Variants in CUL5 observed in about 807,000 individuals in gnomAD.
The protein encoded by CUL5 is cullin-5.
CUL5 carries 26 observed loss-of-function variants against 108.8 expected under a neutral mutation model. That is an observed-to-expected ratio of 0.24 (90% confidence interval 0.18 to 0.33). The LOEUF (loss-of-function observed/expected upper bound fraction) is 0.33, where lower values mean the gene tolerates loss of function less well. Ranked by LOEUF, CUL5 falls within the 10% of genes least tolerant of loss-of-function variation. The pLI is 1.00. For missense variants in CUL5, 524 were observed against 909.2 expected, an observed-to-expected ratio of 0.58 and a Z score of 5.45; for synonymous variants, 334 against 298.0, an observed-to-expected ratio of 1.12 and a Z score of -1.25.
Position 108,094,767 on chromosome 11 carries a change from A to G in CUL5, c.1568-45A>G, listed in dbSNP as rs752272713. On this transcript the variant is annotated intron_variant, in intron 14 of 18. Coordinates refer to ENST00000393094, the MANE Select transcript of CUL5 (RefSeq NM_003478.6). ...TTACCCTGTATTTATTTTGAATTTT[A>G]TCCATTGTTAATTTACTTTATATTC... 3 of 1,392,302 alleles carry G rather than the reference A, an allele frequency of 2.2e-6. No homozygotes were observed. In the South Asian group the frequency reaches 4.2e-5, roughly 19 times the overall value. The allele number at this position is 1,392,302 out of a possible 1,614,324, so 86.2% of individuals were successfully genotyped here. A position where few individuals can be genotyped will look rare whatever the true frequency, so the allele number is the denominator to read the frequency against.
In CUL5 at chr11:108,027,911, A is replaced by G. The variant is rs185533027; in HGVS notation, c.25-5891A>G. Reference sequence around the variant, plus strand: ...TTATTTACTTTTTGTCCAGAATACCATACTCTTGGTTTTCTTGCCACCTGT... The same window carrying G: ...TTATTTACTTTTTGTCCAGAATACCGTACTCTTGGTTTTCTTGCCACCTGT... On this transcript the variant is annotated intron_variant, in intron 1 of 18. Transcript: ENST00000393094. Among the ~76,000 whole-genome samples, 263 of 152,236 alleles carry G rather than the reference A, an allele frequency of 1.7e-3. 3 individuals carry two copies. The highest frequency in any genetic ancestry group is 3.1e-3 in the Non-Finnish European group (214 of 68,020).
At chr11:108,045,161 T>C (rs1359052770) in intron 2 of CUL5, among the ~76,000 whole-genome samples, 1 of 152,374 alleles carries the variant, frequency 6.6e-6, no homozygotes, top group Admixed American at 6.5e-5. Context: ...ATGTCAGCTT[T>C]ATAAGTTCTG....
At chr11:108,075,860 C>G (rs1032309278) in intron 10 of CUL5, among the ~76,000 whole-genome samples, 18 of 152,084 alleles carry the variant, frequency 1.2e-4, no homozygotes, top group Non-Finnish European at 1.9e-4. Context: ...ACTCTTCACC[C>G]GCACTGATGT....
chr11:108,083,886 C>T (rs907213623), intron 11 of CUL5, among the ~76,000 whole-genome samples: 2 of 152,292 alleles, frequency 1.3e-5, no homozygotes, highest in South Asian at 2.1e-4. Flanking sequence ...CTAGAACAAG[C>T]TTGTCCAACC....
At chr11:108,017,362 A>C (rs1023545633) in intron 1 of CUL5, among the ~76,000 whole-genome samples, 10 of 142,232 alleles carry the variant, frequency 7.0e-5, no homozygotes, top group African/African-American at 2.7e-4. Flanking sequence ...TGCACTCCAG[A>C]CTGGGCGACA....
chr11:108,065,602 C>G (rs1237279197), intron 7 of CUL5, among the ~76,000 whole-genome samples: 2 of 152,148 alleles, frequency 1.3e-5, no homozygotes, highest in African/African-American at 2.4e-5. Flanking sequence ...AATGCAGTAT[C>G]TCACAGTTGC....
chr11:108,095,816 C>A lies in CUL5; in HGVS notation c.1905+125C>A, dbSNP rs372362128. 9.2e-5 allele frequency: 82 copies of A among 889,094 alleles called. No homozygotes were observed. In the East Asian group the frequency reaches 1.2e-3, roughly 13 times the overall value. 55.1% of individuals were successfully genotyped at this position (889,094 alleles called of 1,614,324 possible). On this transcript the variant is annotated intron_variant, in intron 16 of 18. Transcript: ENST00000393094. The stretch of plus-strand genomic sequence containing the variant: ...AATGTCTTATCAAGAAAAATAGAGG[C>A]CGGGCACAGTGGATCACGCCTGTAA...
intron 1 of CUL5, among the ~76,000 whole-genome samples, chr11:108,022,012 C>A (rs1373278996): frequency 6.6e-6 from 1 of 151,596 alleles, no homozygotes; most frequent in African/African-American, 2.4e-5. Flanking sequence ...ATCTATCCAT[C>A]GATCCATCCA....
rs1864787471 is a variant in CUL5 at position 108,105,882 on chromosome 11, T to C, written c.*1498T>C. 1 of 152,186 alleles carries C rather than the reference T, an allele frequency of 6.6e-6. No individual in the cohort carries two copies. Among genetic ancestry groups the C allele is most frequent in the Admixed American group, 6.5e-5 (1 of 15,282 alleles). 9.4% of individuals were successfully genotyped at this position (152,186 alleles called of 1,614,324 possible). Reference sequence around the variant, plus strand: ...ACAGTATTATGTTACAGTGGAGTGCTTTCAAGAGCATTTCGTAGGATCTGT... The same window carrying C: ...ACAGTATTATGTTACAGTGGAGTGCCTTCAAGAGCATTTCGTAGGATCTGT... On this transcript the variant is annotated 3_prime_UTR_variant, in exon 19 of 19. Transcript: ENST00000393094.
intron 18 of CUL5, among the ~76,000 whole-genome samples, chr11:108,101,063 C>T (rs1182988738): frequency 1.3e-5 from 2 of 152,132 alleles, no homozygotes; most frequent in African/African-American, 4.8e-5. Flanking sequence ...CGGGTGTAGT[C>T]GTACGATAAG....
At chr11:108,101,066 A>T (rs1864650767) in intron 18 of CUL5, among the ~76,000 whole-genome samples, 1 of 152,204 alleles carries the variant, frequency 6.6e-6, no homozygotes, top group Admixed American at 6.5e-5. Context: ...GTGTAGTCGT[A>T]CGATAAGATG....
intron 11 of CUL5, among the ~76,000 whole-genome samples, chr11:108,081,640 T>C (rs113406810): frequency 6.6e-5 from 10 of 152,176 alleles, no homozygotes; most frequent in African/African-American, 1.9e-4. Flanking sequence ...TAGTCCCAGC[T>C]ACTCGGGAGG....
chr11:108,078,275 A>C, intron 11 of CUL5, 35 bp downstream of exon 11: 2 of 1,299,254 alleles, frequency 1.5e-6, no homozygotes, highest in Non-Finnish European at 1.1e-6. Flanking sequence ...AAAAATACTT[A>C]AATTTTCTTT....
chr11:108,037,828 A>G (rs558192430), intron 2 of CUL5, among the ~76,000 whole-genome samples: 1 of 152,362 alleles, frequency 6.6e-6, no homozygotes, highest in Non-Finnish European at 1.5e-5. Flanking sequence ...TTAAGGAATG[A>G]TGGGAATCCT....
intron 2 of CUL5, among the ~76,000 whole-genome samples, chr11:108,038,375 G>A (rs755607886): frequency 6.6e-6 from 1 of 152,014 alleles, no homozygotes; most frequent in Non-Finnish European, 1.5e-5. Context: ...TACAGTTAGT[G>A]GCCTCAACAT....
intron 2 of CUL5, among the ~76,000 whole-genome samples, chr11:108,041,104 A>G (rs1266607199): frequency 3.3e-5 from 5 of 152,122 alleles, no homozygotes; most frequent in Non-Finnish European, 7.4e-5. Flanking sequence ...GAATTCTTCA[A>G]CAGCCTTACC....
In CUL5 at chr11:108,009,062, G is replaced by A; in HGVS notation, c.-287G>A. The A allele has an allele frequency of 4.0e-6, 2 of 505,148 alleles. No individual in the cohort carries two copies. Among genetic ancestry groups the A allele is most frequent in the South Asian group, 2.9e-5 (1 of 34,936 alleles). 31.3% of individuals were successfully genotyped at this position (505,148 alleles called of 1,614,324 possible). On this transcript the variant is annotated 5_prime_UTR_variant, in exon 1 of 19. Transcript: ENST00000393094. Reference sequence around the variant, plus strand: ...GTCGATGCTTCCTCTTCCAAGTCAGGTCGGCTCCCGTTACCTTCTCAGCAT... The same window carrying A: ...GTCGATGCTTCCTCTTCCAAGTCAGATCGGCTCCCGTTACCTTCTCAGCAT...
intron 8 of CUL5, 25 bp from the exon 9 acceptor site, chr11:108,072,305 TTA>T: frequency 6.5e-7 from 1 of 1,550,352 alleles, no homozygotes; most frequent in Non-Finnish European, 8.8e-7. Context: ...AATGAAATGA[TTA>T]CATGAATGTG....
intron 1 of CUL5, among the ~76,000 whole-genome samples, chr11:108,030,258 G>T (rs1371753380): frequency 6.6e-6 from 1 of 152,210 alleles, no homozygotes; most frequent in Non-Finnish European, 1.5e-5. Context: ...AGTCCATAAG[G>T]TAAAAAGAAA....
Sources: gnomAD v4.1 joint callset for allele counts (sites outside exome capture counted in the v4.1 genomes callset) on GRCh38, gnomAD v4.1.1 for gene constraint, MANE v1.5 for transcripts, NCBI Gene and HGNC (gene_info 2026-07-23, HGNC 2026-07-21) for gene names.